Variants in SLC35D1 observed in about 807,000 individuals in gnomAD.
The protein encoded by SLC35D1 is nucleotide sugar transporter SLC35D1.
In SLC35D1, 31 loss-of-function variants were observed where a neutral mutation model predicts 46.7. The ratio of observed to expected loss-of-function variants is 0.66; its 90% CI spans 0.50 to 0.90. The LOEUF is 0.90. Among genes scored for constraint, SLC35D1 ranks in the 40% least tolerant of loss-of-function variants. The probability of loss-of-function intolerance (pLI) is 0.00; values close to 1 mark genes in which losing one functional copy is unlikely to be tolerated. For synonymous variants in SLC35D1, 195 were observed against 164.6 expected (o/e 1.18, Z -1.41); for missense variants, 397 against 426.2 (o/e 0.93, Z 0.60).
chr1:66,994,991 TCCTAAA>T (rs944972230), downstream of SLC35D1, among the ~76,000 whole-genome samples: 1 of 151,736 alleles, frequency 6.6e-6, no homozygotes, highest in African/African-American at 2.4e-5. Flanking sequence ...TAATTATAAT[TCCTAAA>T]ATAACTCAAA....
chr1:67,017,746 T>C (rs1667714853), intron 10 of SLC35D1, among the ~76,000 whole-genome samples: 2 of 152,198 alleles, frequency 1.3e-5, no homozygotes, highest in African/African-American at 2.4e-5. Flanking sequence ...AAGATCTGTT[T>C]CCCTTCATCA....
At chr1:67,012,260 TGTGACTGGTGG>T (rs1375564664) in intron 10 of SLC35D1, among the ~76,000 whole-genome samples, 3 of 152,192 alleles carry the variant, frequency 2.0e-5, no homozygotes, top group African/African-American at 7.2e-5. Context: ...TTAACAGGTC[TGTGACTGGTGG>T]TACCCCACAT....
chr1:67,030,639 G>A (rs1453500079), intron 8 of SLC35D1, among the ~76,000 whole-genome samples: 1 of 151,094 alleles, frequency 6.6e-6, no homozygotes, highest in Non-Finnish European at 1.5e-5. Flanking sequence ...AGAATTATTT[G>A]GCAAAGACCT....
chr1:67,045,089 A>C (rs1198258978), intron 7 of SLC35D1, among the ~76,000 whole-genome samples: 3 of 152,198 alleles, frequency 2.0e-5, no homozygotes, highest in Admixed American at 2.0e-4. Context: ...AGCCAGAGAC[A>C]TGAGTGTTAT....
At position 67,026,794 on chromosome 1, in the gene SLC35D1, C is replaced by T. The variant is rs112804680; in HGVS notation, c.730-5192G>A. ...AAGAGGTTTAATTGACTCACAGCTC[C>T]GCATGGCTGGGGAGGCCTCAGGAAA... On this transcript the variant is annotated intron_variant, in intron 8 of 11. Coordinates refer to ENST00000235345, the MANE Select transcript of SLC35D1 (RefSeq NM_015139.3). 3.7e-3 allele frequency among the ~76,000 whole-genome samples: 568 copies of T among 152,246 alleles called. 6 individuals carry two copies. The highest frequency in any genetic ancestry group is 0.011 in the African/African-American group (477 of 41,560).
Position 67,053,610 on chromosome 1 carries a change from G to A in SLC35D1, c.203+201C>T, listed in dbSNP as rs566895453. On this transcript the variant is annotated intron_variant, in intron 1 of 11. Coordinates refer to ENST00000235345, the MANE Select transcript of SLC35D1 (RefSeq NM_015139.3). ...CCGGGCCGGCCGGAGCTCCGCGCAG[G>A]GAGCGGACCCCTGCCACAGGCCCGC... 3.3e-5 allele frequency among the ~76,000 whole-genome samples: 5 copies of A among 152,030 alleles called. No individual in the cohort carries two copies. In the South Asian group the frequency reaches 1.0e-3, roughly 31 times the overall value.
At chr1:67,017,394 G>A (rs1667706976) in intron 10 of SLC35D1, among the ~76,000 whole-genome samples, 1 of 152,012 alleles carries the variant, frequency 6.6e-6, no homozygotes, top group South Asian at 2.1e-4. Context: ...ATTCTTTCCT[G>A]GCTACAAGTT....
chr1:66,995,555 T>C (rs1423284805), downstream of SLC35D1, among the ~76,000 whole-genome samples: 2 of 134,356 alleles, frequency 1.5e-5, no homozygotes, highest in Non-Finnish European at 3.1e-5. Flanking sequence ...GAGAACATGG[T>C]GTGGTGAGGG....
chr1:67,018,320 G>A (rs1306241320), intron 10 of SLC35D1, among the ~76,000 whole-genome samples: 1 of 152,116 alleles, frequency 6.6e-6, no homozygotes, highest in African/African-American at 2.4e-5. Context: ...ATCCAGGGAG[G>A]TGGATTAATT....
intron 10 of SLC35D1, among the ~76,000 whole-genome samples, chr1:67,018,125 C>T (rs963801320): frequency 3.3e-5 from 5 of 152,200 alleles, no homozygotes; most frequent in Non-Finnish European, 5.9e-5. Context: ...TCTAATAAAA[C>T]GCCCTTTGAG....
downstream of SLC35D1, among the ~76,000 whole-genome samples, chr1:66,995,291 C>T (rs937823487): frequency 4.0e-5 from 6 of 151,798 alleles, no homozygotes; most frequent in Admixed American, 1.3e-4. Flanking sequence ...CCAAGCCCCA[C>T]CATTCACTCT....
the SLC35D1 span, among the ~76,000 whole-genome samples, chr1:66,973,835 A>T: frequency 6.6e-6 from 1 of 152,078 alleles, no homozygotes; most frequent in Non-Finnish European, 1.5e-5. Context: ...GTATTGGTTT[A>T]TGTAATTCCT....
intron 8 of SLC35D1, among the ~76,000 whole-genome samples, chr1:67,035,495 A>G (rs1001209958): frequency 6.6e-6 from 1 of 152,144 alleles, no homozygotes; most frequent in Non-Finnish European, 1.5e-5. Context: ...TGCTCATAGT[A>G]GCCAATAATG....
intron 8 of SLC35D1, among the ~76,000 whole-genome samples, chr1:67,022,706 A>C (rs1570620655): frequency 6.6e-6 from 1 of 152,350 alleles, no homozygotes; most frequent in East Asian, 1.9e-4. Flanking sequence ...GAGGTAGAAT[A>C]CATGAAAAAT....
At chr1:67,008,582 C>G in intron 11 of SLC35D1, 1 of 636,710 alleles carries the variant, frequency 1.6e-6, no homozygotes, top group Non-Finnish European at 2.3e-6. Flanking sequence ...TTTATCTGCT[C>G]TGATCCACTT....
chr1:66,979,210 T>C, the SLC35D1 span, among the ~76,000 whole-genome samples: 1 of 152,218 alleles, frequency 6.6e-6, no homozygotes, highest in Non-Finnish European at 1.5e-5. Flanking sequence ...CTACATTTCT[T>C]TCCAGATGGG....
At chr1:66,984,684 G>A in the SLC35D1 span, 1 of 1,613,902 alleles carries the variant, frequency 6.2e-7, no homozygotes, top group Non-Finnish European at 8.5e-7. Context: ...ATGCAGATAT[G>A]GATACTAATG....
intron 8 of SLC35D1, among the ~76,000 whole-genome samples, chr1:67,029,025 G>C (rs1320585731): frequency 6.6e-6 from 1 of 152,124 alleles, no homozygotes; most frequent in African/African-American, 2.4e-5. Flanking sequence ...AATGTAGGAA[G>C]GTAAACCCTG....
Position 67,042,331 on chromosome 1 carries a change from A to G in SLC35D1, c.637-3T>C, listed in dbSNP as rs746127573. The G allele has an allele frequency of 1.9e-6, 3 of 1,613,746 alleles. No individual in the cohort carries two copies. The highest frequency in any genetic ancestry group is 2.2e-5 in the East Asian group (1 of 44,872). ...AGCAGTCCATATTTTCCCAGCTCCT[A>G]GGACAGTAAATAATTAGGTGTTTCA... On this transcript the variant is annotated splice_region_variant and splice_polypyrimidine_tract_variant and intron_variant, in intron 7 of 11. Coordinates refer to ENST00000235345, the MANE Select transcript of SLC35D1 (RefSeq NM_015139.3).
Sources: gnomAD v4.1 joint callset for allele counts (sites outside exome capture counted in the v4.1 genomes callset) on GRCh38, gnomAD v4.1.1 for gene constraint, MANE v1.5 for transcripts, NCBI Gene and HGNC (gene_info 2026-07-23, HGNC 2026-07-21) for gene names.